ZCCHC7: variants seen among roughly 807,000 people sequenced by gnomAD.
The protein encoded by ZCCHC7 is zinc finger CCHC domain-containing protein 7.
ZCCHC7 carries 35 observed loss-of-function variants against 52.0 expected under a neutral mutation model. The observed-to-expected ratio is 0.67, with a 90% confidence interval of 0.51 to 0.89. ZCCHC7 has a LOEUF of 0.89. ZCCHC7 is among the 40% of genes least tolerant of loss of function. ZCCHC7 has a pLI of 0.00. For missense variants in ZCCHC7, 574 were observed against 649.1 expected, an observed-to-expected ratio of 0.88 and a Z score of 1.26; for synonymous variants, 217 against 221.5, an observed-to-expected ratio of 0.98 and a Z score of 0.18.
chr9:37,346,792 A>C (rs1821002316), intron 6 of ZCCHC7, among the ~76,000 whole-genome samples: 1 of 152,204 alleles, frequency 6.6e-6, no homozygotes, highest in East Asian at 1.9e-4. Context: ...TCTGGGCAAC[A>C]TAGTGAGTCC....
Position 37,356,950 on chromosome 9 carries a change from G to T in ZCCHC7, c.1314G>T (p.Arg438Ser), listed in dbSNP as rs1465903294. The T allele has an allele frequency of 6.2e-7, 1 of 1,613,754 alleles. No individual in the cohort carries two copies. Among genetic ancestry groups the T allele is most frequent in the Non-Finnish European group, 8.5e-7 (1 of 1,179,950 alleles). ...GCCGTGCCTCATGGAAAAGCAACAG[G>T]TGGCCTCAAGAAAATAAAGAAACAC... ...RKGRASWKSN[R>S]WPQENKETQK... Residue 438 changes from arginine (R) to serine (S), a missense_variant, in exon 9 of 9, where the codon AGG becomes AGT. Transcript: ENST00000336755.
chr9:37,354,633 A>G lies in ZCCHC7; in HGVS notation c.1084-77A>G. ...GTGACATGGGGCTCATTTCTAATTA[A>G]CATGCTCCAGAATCTTGCAAAAAGG... On this transcript the variant is annotated intron_variant, in intron 7 of 8. Coordinates refer to ENST00000336755, the MANE Select transcript of ZCCHC7 (RefSeq NM_032226.3). The surrounding 1 kb of genome is among the most constrained non-coding windows in gnomAD (Gnocchi z 4.0). 9.8e-7 allele frequency: 1 copy of G among 1,018,408 alleles called. No homozygotes were observed. The allele number at this position is 1,018,408 out of a possible 1,614,324, so 63.1% of individuals were successfully genotyped here. A position where few individuals can be genotyped will look rare whatever the true frequency, so the allele number is the denominator to read the frequency against.
intron 1 of ZCCHC7, among the ~76,000 whole-genome samples, chr9:37,123,067 A>T (rs1842387930): frequency 6.6e-6 from 1 of 152,292 alleles, no homozygotes; most frequent in African/African-American, 2.4e-5. Flanking sequence ...ATCTCTTTGT[A>T]TTTCAGTTTC....
In ZCCHC7 at chr9:37,321,103, C is replaced by T. The variant is rs1830033979; in HGVS notation, c.952-6696C>T. Among the ~76,000 whole-genome samples, 5 of 151,172 alleles carry T rather than the reference C, an allele frequency of 3.3e-5. No individual in the cohort carries two copies. In the South Asian group the frequency reaches 1.0e-3, roughly 32 times the overall value. ...TCCTGGGTTCAAGCGATTCTCCTGC[C>T]TCAGCCTCCCAAGTAGCTGGGACTA... is the stretch of plus-strand genomic sequence containing the variant. On this transcript the variant is annotated intron_variant, in intron 5 of 8. Transcript: ENST00000336755.
intron 2 of ZCCHC7, among the ~76,000 whole-genome samples, chr9:37,264,966 C>T (rs146398874): frequency 6.6e-6 from 1 of 152,284 alleles, no homozygotes; most frequent in African/African-American, 2.4e-5. Context: ...GCATTTCAGT[C>T]TGTATTTCTG....
At chr9:37,139,184 C>T (rs890073918) in intron 2 of ZCCHC7, among the ~76,000 whole-genome samples, 27 of 151,862 alleles carry the variant, frequency 1.8e-4, no homozygotes, top group African/African-American at 5.1e-4. Flanking sequence ...TTCAGCCTAA[C>T]GTTTTAAATC....
intron 6 of ZCCHC7, among the ~76,000 whole-genome samples, chr9:37,339,267 C>G (rs1043782059): frequency 2.0e-5 from 3 of 152,158 alleles, no homozygotes; most frequent in Non-Finnish European, 4.4e-5. Context: ...GGAAGTAATA[C>G]TGTCAATATT....
intron 2 of ZCCHC7, among the ~76,000 whole-genome samples, chr9:37,268,592 A>C (rs760939878): frequency 7.2e-5 from 11 of 151,952 alleles, no homozygotes; most frequent in Non-Finnish European, 1.2e-4. Context: ...ATGCCCAGCT[A>C]ATTTTTTGTA....
intron 2 of ZCCHC7, among the ~76,000 whole-genome samples, chr9:37,261,124 C>T (rs1019000503): frequency 6.6e-5 from 10 of 152,004 alleles, no homozygotes; most frequent in African/African-American, 2.4e-4. Flanking sequence ...TATATGTCCC[C>T]CTTAATCTTG....
At chr9:37,264,763 T>C (rs1178438057) in intron 2 of ZCCHC7, among the ~76,000 whole-genome samples, 1 of 152,214 alleles carries the variant, frequency 6.6e-6, no homozygotes, top group African/African-American at 2.4e-5. Flanking sequence ...TCACTTTATA[T>C]TGCTTAGGCA....
At chr9:37,302,317 T>A in intron 3 of ZCCHC7, 86 bp downstream of exon 3, 1 of 1,083,102 alleles carries the variant, frequency 9.2e-7, no homozygotes, top group Non-Finnish European at 1.4e-6. Context: ...CATTAATAAG[T>A]TTAAGTGGCT....
intron 2 of ZCCHC7, among the ~76,000 whole-genome samples, chr9:37,264,960 T>C (rs1439281061): frequency 6.6e-6 from 1 of 152,228 alleles, no homozygotes; most frequent in Non-Finnish European, 1.5e-5. Context: ...GTTCTTGCAT[T>C]TCAGTCTGTA....
intron 2 of ZCCHC7, among the ~76,000 whole-genome samples, chr9:37,173,647 T>C (rs1402166640): frequency 6.6e-6 from 1 of 152,230 alleles, no homozygotes; most frequent in African/African-American, 2.4e-5. Flanking sequence ...AATATTTACC[T>C]TCTAATCAGA....
At chr9:37,275,930 C>T (rs1262156109) in intron 2 of ZCCHC7, among the ~76,000 whole-genome samples, 9 of 152,192 alleles carry the variant, frequency 5.9e-5, no homozygotes, top group African/African-American at 1.2e-4. Context: ...GGATTACAGG[C>T]GTGAGCCACT....
chr9:37,326,005 T>G (rs1830225846), intron 5 of ZCCHC7: 1 of 152,232 alleles, frequency 6.6e-6, no homozygotes, highest in African/African-American at 2.4e-5. Context: ...TGCCAGTGTA[T>G]GACAACTCAG....
rs143527847 is a variant in ZCCHC7, at chr9:37,357,225, A to G, written c.1589A>G (p.Asn530Ser). 5.5e-5 allele frequency: 88 copies of G among 1,608,650 alleles called. No individual in the cohort carries two copies. The African/African-American group carries it at 7.8e-4, about 14-fold the overall frequency. The change falls in exon 9 of 9, where the codon AAT (asparagine) becomes AGT (serine). Residue 530 changes from asparagine to serine, a missense_variant. Physicochemically the swap from Asn to Ser is conservative, Grantham distance 46. This residue lies in a region of ZCCHC7 where 168 missense variants were observed against 171.6 expected (regional missense o/e 0.98). Transcript: ENST00000336755. ...KKERCWEDDD[N>S]DNLFLIKQRK... ...GAGAGGTGCTGGGAAGATGATGACA[A>G]TGATAACTTATTTCTTATTAAGCAG...
chr9:37,285,968 T>C (rs1828189591), intron 2 of ZCCHC7, among the ~76,000 whole-genome samples: 1 of 152,208 alleles, frequency 6.6e-6, no homozygotes, highest in Non-Finnish European at 1.5e-5. Flanking sequence ...TCTCTCTACA[T>C]AGAAGACTAG....
chr9:37,234,147 G>T (rs1825535685), intron 2 of ZCCHC7, among the ~76,000 whole-genome samples: 1 of 152,132 alleles, frequency 6.6e-6, no homozygotes, highest in African/African-American at 2.4e-5. Flanking sequence ...AGAATTACAG[G>T]CATCAGCCAC....
chr9:37,208,938 A>G (rs963300334), intron 2 of ZCCHC7, among the ~76,000 whole-genome samples: 1 of 152,218 alleles, frequency 6.6e-6, no homozygotes, highest in Non-Finnish European at 1.5e-5. Flanking sequence ...TCACCTATCA[A>G]TGCTCTGCTT....
Sources: allele counts gnomAD v4.1 joint callset (sites outside exome capture counted in the v4.1 genomes callset), GRCh38; gene constraint gnomAD v4.1.1; regional missense constraint gnomAD v4.1.1; non-coding constraint Gnocchi (gnomAD v3.1); transcripts MANE v1.5; gene names NCBI Gene and HGNC (gene_info 2026-07-23, HGNC 2026-07-21).